Variants in KAZN observed in about 807,000 individuals in gnomAD.
KAZN encodes kazrin.
In KAZN, 40 loss-of-function variants were observed where a neutral mutation model predicts 87.4. The observed-to-expected ratio is 0.46, with a 90% confidence interval of 0.36 to 0.60. The LOEUF (loss-of-function observed/expected upper bound fraction) is 0.60. Ranked by LOEUF, KAZN falls within the 20% of genes least tolerant of loss-of-function variation. The probability of loss-of-function intolerance (pLI) is 0.00; values close to 1 mark genes in which losing one functional copy is unlikely to be tolerated. For missense variants in KAZN, 898 were observed against 1,073.9 expected (o/e 0.84, Z 2.29); for synonymous variants, 466 against 458.3 (o/e 1.02, Z -0.22).
chr1:14,737,603 T>C (rs1346128730), intron 1 of KAZN, among the ~76,000 whole-genome samples: 1 of 152,246 alleles, frequency 6.6e-6, no homozygotes, highest in African/African-American at 2.4e-5. Context: ...TTCAGAAGTC[T>C]GGCCATGGCT....
At chr1:14,932,252 C>CGCCCCGTCCCCT (rs1461064011) in intron 1 of KAZN, among the ~76,000 whole-genome samples, 4 of 152,194 alleles carry the variant, frequency 2.6e-5, no homozygotes, top group Non-Finnish European at 5.9e-5. Flanking sequence ...CCACCCTCCC[C>CGCCCCGTCCCCT]GCCCCGTCCC....
chr1:14,385,251 T>G (rs1661765896), intron 2 of KAZN, among the ~76,000 whole-genome samples: 1 of 152,232 alleles, frequency 6.6e-6, no homozygotes, highest in Admixed American at 6.5e-5. Flanking sequence ...TGTTGATCCT[T>G]TCAAAAAACC....
chr1:14,487,030 G>A (rs1333361919), intron 2 of KAZN, among the ~76,000 whole-genome samples: 1 of 152,206 alleles, frequency 6.6e-6, no homozygotes, highest in Admixed American at 6.5e-5. Flanking sequence ...GGCTGAAAAT[G>A]GTCTAGATGA....
At chr1:14,729,472 T>C (rs1572340023) in intron 1 of KAZN, among the ~76,000 whole-genome samples, 1 of 152,184 alleles carries the variant, frequency 6.6e-6, no homozygotes, top group African/African-American at 2.4e-5. Context: ...TTTTGTGAGA[T>C]GTCGTATTAA....
intron 2 of KAZN, among the ~76,000 whole-genome samples, chr1:14,321,254 AT>A (rs1490013546): frequency 6.6e-6 from 1 of 152,172 alleles, no homozygotes; most frequent in African/African-American, 2.4e-5. Context: ...AATGCTGAGC[AT>A]TTGTCTTTTT....
Position 14,609,546 on chromosome 1 carries a change from T to C in KAZN, c.226+10323T>C, listed in dbSNP as rs933417460. The stretch of plus-strand genomic sequence containing the variant: ...CCACCCTCTAACTTTTTCAGTGTTA[T>C]CGCATTTATTCTAAAACAAGAGCTT... On this transcript the variant is annotated intron_variant, in intron 1 of 14. Transcript: ENST00000376030. Among the ~76,000 whole-genome samples the C allele has an allele frequency of 3.9e-5, 6 of 152,264 alleles. No individual in the cohort carries two copies. In the South Asian group the frequency reaches 1.0e-3, roughly 26 times the overall value.
chr1:15,069,210 T>C (rs1436334269), intron 8 of KAZN, among the ~76,000 whole-genome samples: 1 of 152,074 alleles, frequency 6.6e-6, no homozygotes, highest in Non-Finnish European at 1.5e-5. Context: ...ACCAATCAAT[T>C]GAAGAGCCCT....
At chr1:14,796,933 A>G (rs2100716803) in intron 1 of KAZN, among the ~76,000 whole-genome samples, 1 of 152,354 alleles carries the variant, frequency 6.6e-6, no homozygotes, top group East Asian at 1.9e-4. Context: ...ATGTAAGGAA[A>G]ATGGTGAAGA....
At chr1:14,775,851 C>T (rs766549110) in intron 1 of KAZN, among the ~76,000 whole-genome samples, 152 of 152,244 alleles carry the variant, frequency 1.0e-3, no homozygotes, top group African/African-American at 3.4e-3. Context: ...AGGGAGGGTC[C>T]GGGCCACCGG....
chr1:14,255,340 G>A (rs528433345), intron 2 of KAZN, among the ~76,000 whole-genome samples: 1 of 152,136 alleles, frequency 6.6e-6, no homozygotes, highest in South Asian at 2.1e-4. Flanking sequence ...CTCCCTCATT[G>A]GGGATTATAA....
intron 1 of KAZN, among the ~76,000 whole-genome samples, chr1:14,952,153 A>C (rs939727353): frequency 2.0e-5 from 3 of 152,046 alleles, no homozygotes; most frequent in Admixed American, 2.0e-4. Flanking sequence ...GTGGCAGGTC[A>C]ATACAGAGCT....
chr1:14,146,180 G>GT (rs145115688), intron 1 of KAZN, among the ~76,000 whole-genome samples: 105 of 147,876 alleles, frequency 7.1e-4, no homozygotes, highest in East Asian at 3.8e-3. Flanking sequence ...TCCCATGCAT[G>GT]TTTTTTTTTT....
intron 1 of KAZN, among the ~76,000 whole-genome samples, chr1:14,100,965 T>C (rs1459830560): frequency 6.6e-6 from 1 of 152,240 alleles, no homozygotes; most frequent in East Asian, 1.9e-4. Context: ...CTTTGCCTGC[T>C]GTCATCCATA....
At chr1:15,070,164 A>T (rs1034384057) in intron 8 of KAZN, among the ~76,000 whole-genome samples, 1 of 152,222 alleles carries the variant, frequency 6.6e-6, no homozygotes, top group Admixed American at 6.5e-5. Context: ...GCCGCCAAGC[A>T]GCTGGGCCTT....
At chr1:14,644,215 T>C (rs1186440814) in intron 1 of KAZN, among the ~76,000 whole-genome samples, 5 of 151,768 alleles carry the variant, frequency 3.3e-5, no homozygotes, top group Non-Finnish European at 7.4e-5. Context: ...TTTCACCATG[T>C]TGGCCAGGCT....
chr1:14,115,689 G>T (rs148065838), intron 1 of KAZN, among the ~76,000 whole-genome samples: 2 of 152,130 alleles, frequency 1.3e-5, no homozygotes, highest in African/African-American at 2.4e-5. Flanking sequence ...CCGAAAATGC[G>T]GAAGCGACTT....
chr1:13,915,818 G>A (rs1639831601), intron 1 of KAZN, among the ~76,000 whole-genome samples: 1 of 152,224 alleles, frequency 6.6e-6, no homozygotes, highest in Non-Finnish European at 1.5e-5. Context: ...CTTCTGCATA[G>A]TCTGTGATAC....
chr1:15,065,424 G>C (rs1476041764), intron 7 of KAZN, among the ~76,000 whole-genome samples: 1 of 152,166 alleles, frequency 6.6e-6, no homozygotes, highest in African/African-American at 2.4e-5. Context: ...ACTGGTCCCT[G>C]TTTGCTCAGT....
chr1:14,542,996 G>A (rs182871652), intron 2 of KAZN, among the ~76,000 whole-genome samples: 1 of 152,134 alleles, frequency 6.6e-6, no homozygotes, highest in South Asian at 2.1e-4. Context: ...ATTGGGTTGG[G>A]GGGGTGGGGT....
Sources: gnomAD v4.1 joint callset for allele counts (sites outside exome capture counted in the v4.1 genomes callset) on GRCh38, gnomAD v4.1.1 for gene constraint, MANE v1.5 for transcripts, NCBI Gene and HGNC (gene_info 2026-07-23, HGNC 2026-07-21) for gene names.